ERP44: variants seen among roughly 807,000 people sequenced by gnomAD.
ERP44 encodes endoplasmic reticulum protein 44, also known as endoplasmic reticulum resident protein 44.
ERP44 carries 25 observed loss-of-function variants against 53.4 expected under a neutral mutation model. The observed-to-expected ratio is 0.47, with a 90% confidence interval of 0.34 to 0.65. ERP44 has a LOEUF of 0.65. Ranked by LOEUF, ERP44 falls within the 30% of genes least tolerant of loss-of-function variation. ERP44 has a pLI of 0.01. For missense variants in ERP44, 338 were observed against 493.2 expected, an observed-to-expected ratio of 0.69 and a Z score of 2.98; for synonymous variants, 145 against 161.2, an observed-to-expected ratio of 0.90 and a Z score of 0.76.
intron 10 of ERP44, among the ~76,000 whole-genome samples, chr9:99,994,427 TCA>T (rs1830288102): frequency 2.1e-5 from 1 of 47,918 alleles, no homozygotes; most frequent in Non-Finnish European, 5.0e-5. Flanking sequence ...CTGCATGTTC[TCA>T]CTCACAGGTG....
intron 4 of ERP44, among the ~76,000 whole-genome samples, chr9:100,048,797 G>GGTACTC (rs1826005368): frequency 6.6e-6 from 1 of 152,198 alleles, no homozygotes; most frequent in African/African-American, 2.4e-5. Flanking sequence ...TTCCACTTAT[G>GGTACTC]TGGAGTACCC....
intron 11 of ERP44, among the ~76,000 whole-genome samples, chr9:99,983,071 G>A (rs990028516): frequency 1.2e-4 from 19 of 152,124 alleles, no homozygotes; most frequent in Non-Finnish European, 2.6e-4. Context: ...TTCTGCACGT[G>A]ACTGCTAAGA....
intron 4 of ERP44, among the ~76,000 whole-genome samples, chr9:100,032,384 A>G (rs527868068): frequency 6.6e-6 from 1 of 152,382 alleles, no homozygotes; most frequent in Non-Finnish European, 1.5e-5. Flanking sequence ...TAAGTGCTTA[A>G]ATCAAGTTAT....
chr9:100,063,492 A>G (rs551299638), intron 1 of ERP44, among the ~76,000 whole-genome samples: 89 of 152,286 alleles, frequency 5.8e-4, no homozygotes, highest in African/African-American at 2.1e-3. Flanking sequence ...CAGCAACAAG[A>G]TTCTCCCGGG....
At chr9:100,051,129 T>C (rs1303427758) in intron 4 of ERP44, among the ~76,000 whole-genome samples, 1 of 152,224 alleles carries the variant, frequency 6.6e-6, no homozygotes, top group Admixed American at 6.5e-5. Context: ...TATCTAGTTA[T>C]GAATTTCAGC....
chr9:100,084,916 CACAAAAAGCTAAGGCA>C (rs1366595115), intron 1 of ERP44, among the ~76,000 whole-genome samples: 1 of 152,110 alleles, frequency 6.6e-6, no homozygotes, highest in Admixed American at 6.6e-5. Context: ...AGGCATCAAC[CACAAAAAGCTAAGGCA>C]ACAAACACAA....
intron 2 of ERP44, among the ~76,000 whole-genome samples, chr9:100,059,367 T>A (rs984529271): frequency 6.6e-6 from 1 of 152,176 alleles, no homozygotes; most frequent in African/African-American, 2.4e-5. Flanking sequence ...CACAACCACA[T>A]TGTCAGCAAA....
chr9:100,096,675 T>C (rs1371524472), intron 1 of ERP44, among the ~76,000 whole-genome samples: 2 of 152,170 alleles, frequency 1.3e-5, no homozygotes, highest in Admixed American at 6.5e-5. Context: ...TAAGAGAATA[T>C]ACAGCTTTTT....
intron 1 of ERP44, among the ~76,000 whole-genome samples, chr9:100,096,485 A>G (rs1326262921): frequency 6.6e-6 from 1 of 152,104 alleles, no homozygotes; most frequent in Non-Finnish European, 1.5e-5. Flanking sequence ...ACCCATCCAG[A>G]AAGGCTTTGT....
chr9:100,013,106 T>C (rs569186270), intron 8 of ERP44, among the ~76,000 whole-genome samples: 85 of 152,292 alleles, frequency 5.6e-4, no homozygotes, highest in African/African-American at 1.9e-3. Context: ...GAGAAAGAGA[T>C]AGTAAGATCT....
chr9:100,021,499 T>C (rs1302643535), intron 5 of ERP44, among the ~76,000 whole-genome samples: 1 of 152,214 alleles, frequency 6.6e-6, no homozygotes. Flanking sequence ...AGCTTGCAAG[T>C]AGGGTAAAGT....
At chr9:100,037,727 T>C (rs1465010694) in intron 4 of ERP44, among the ~76,000 whole-genome samples, 1 of 152,100 alleles carries the variant, frequency 6.6e-6, no homozygotes, top group Non-Finnish European at 1.5e-5. Flanking sequence ...ATGACATTTC[T>C]AGATACATCC....
At chr9:100,086,045 T>C (rs1175285840) in intron 1 of ERP44, among the ~76,000 whole-genome samples, 2 of 152,246 alleles carry the variant, frequency 1.3e-5, no homozygotes, top group Non-Finnish European at 2.9e-5. Context: ...TTTGTCATCA[T>C]TTTCCATATA....
At chr9:100,050,679 GATGCATAATACCTCAAAAT>G (rs1826027798) in intron 4 of ERP44, among the ~76,000 whole-genome samples, 5 of 152,172 alleles carry the variant, frequency 3.3e-5, no homozygotes. Flanking sequence ...TATTCAGAGA[GATGCATAATACCTCAAAAT>G]ATGCATAATA....
intron 4 of ERP44, among the ~76,000 whole-genome samples, chr9:100,040,147 G>C (rs909207792): frequency 6.6e-6 from 1 of 152,140 alleles, no homozygotes; most frequent in Non-Finnish European, 1.5e-5. Context: ...CAAAGGAGGA[G>C]GGAATACTTC....
chr9:100,058,445 G>C (rs7041338), intron 2 of ERP44, among the ~76,000 whole-genome samples: 103,011 of 152,130 alleles, frequency 0.68, 36,104 homozygotes, highest in East Asian at 0.91. Context: ...AGTAAGCTAC[G>C]ATCATAAAAA....
intron 1 of ERP44, among the ~76,000 whole-genome samples, chr9:100,093,172 T>G (rs1487935840): frequency 6.6e-6 from 1 of 152,098 alleles, no homozygotes; most frequent in Non-Finnish European, 1.5e-5. Context: ...CTATTAAAAA[T>G]CACAGTATAC....
intron 1 of ERP44, 81 bp from the exon 2 acceptor site, chr9:100,060,253 G>A (rs899998964): frequency 3.0e-5 from 39 of 1,295,702 alleles, no homozygotes; most frequent in Non-Finnish European, 3.9e-5. Flanking sequence ...AAATAAATGT[G>A]TGATTCCACT....
intron 4 of ERP44, among the ~76,000 whole-genome samples, chr9:100,024,584 T>G (rs1830632032): frequency 6.6e-6 from 1 of 151,648 alleles, no homozygotes; most frequent in African/African-American, 2.4e-5. Context: ...TAGTTTTGAC[T>G]TTGGAACCAT....
Sources: allele counts gnomAD v4.1 joint callset (sites outside exome capture counted in the v4.1 genomes callset), GRCh38; gene constraint gnomAD v4.1.1; transcripts MANE v1.5; gene names NCBI Gene and HGNC (gene_info 2026-07-23, HGNC 2026-07-21).